Variants in SNAPC3 observed in about 807,000 individuals in gnomAD.
SNAPC3 encodes small nuclear RNA activating complex polypeptide 3.
Under a neutral mutation model 47.7 loss-of-function variants are expected in SNAPC3, and 56 were observed. The observed-to-expected ratio is 1.18, with a 90% CI of 0.95 to 1.47. The LOEUF (loss-of-function observed/expected upper bound fraction) is 1.47. SNAPC3 is among the 40% of genes most tolerant of loss of function. SNAPC3 has a pLI of 0.00. For synonymous variants in SNAPC3, 235 were observed against 189.9 expected, an observed-to-expected ratio of 1.24 and a Z score of -1.95; for missense variants, 665 against 511.3, an observed-to-expected ratio of 1.30 and a Z score of -2.90.
In SNAPC3 at chr9:15,422,913, A is replaced by G. The variant is rs370837882; in HGVS notation, c.34A>G (p.Ser12Gly). Residue 12 changes from serine to glycine, a missense_variant, in exon 1 of 9, where the codon AGC becomes GGC. Physicochemically the swap from Ser to Gly is moderately conservative, Grantham distance 56. Transcript: ENST00000380821. ...AEGSRGGPTCSGVGGRQDPVS... is the reference protein window; with the variant it reads ...AEGSRGGPTCGGVGGRQDPVS... ...AGGAAGCCGAGGTGGCCCTACGTGT[A>G]GCGGGGTGGGTGGCAGGCAGGACCC... The G allele has an allele frequency of 1.0e-4, 153 of 1,535,946 alleles. 1 individual carries two copies. Among genetic ancestry groups the G allele is most frequent in the East Asian group, 8.1e-4 (32 of 39,590 alleles).
downstream of SNAPC3, chr9:15,463,901 A>AT (rs2035424020): frequency 6.4e-6 from 1 of 155,118 alleles, no homozygotes; most frequent in South Asian, 2.1e-4. Flanking sequence ...AAAGATAAAT[A>AT]TTACCTTTAT....
At position 15,423,258 on chromosome 9, in the gene SNAPC3, C is replaced by T. The variant is rs2030828020; in HGVS notation, c.314+65C>T. On this transcript the variant is annotated intron_variant, in intron 1 of 8. Coordinates refer to ENST00000380821, the MANE Select transcript of SNAPC3 (RefSeq NM_001039697.2). Reference sequence around the variant, plus strand: ...AACAGGGTGCAGCCTTGCTCGTGCGCTCCTCTGGGACTCATCCCTGAGAAG... The same window carrying T: ...AACAGGGTGCAGCCTTGCTCGTGCGTTCCTCTGGGACTCATCCCTGAGAAG... 23 of 1,447,786 alleles carry T rather than the reference C, an allele frequency of 1.6e-5. 1 individual carries two copies. The South Asian group carries it at 2.5e-4, about 16-fold the overall frequency. 89.7% of individuals were successfully genotyped at this position (1,447,786 alleles called of 1,614,324 possible). A position where few individuals can be genotyped will look rare whatever the true frequency, so the allele number is the denominator to read the frequency against.
In SNAPC3 at chr9:15,447,095, C is replaced by A; in HGVS notation, c.583C>A (p.His195Asn). 6.2e-7 allele frequency: 1 copy of A among 1,613,198 alleles called. No homozygotes were observed. The change falls in exon 5 of 9, where the codon CAC becomes AAC. Residue 195 changes from histidine (H) to asparagine (N), a missense_variant and splice_region_variant. Transcript: ENST00000380821. ...CACTTATTTATTCTTTGACTTTTAG[C>A]ACAAAGAACACAAACCATACCAAAC... ...NILYPVIFHK[H>N]KEHKPYQTML...
In SNAPC3 at chr9:15,423,111, GA is replaced by G; in HGVS notation, c.233del (p.Asp78AlafsTer23). On this transcript the variant is annotated frameshift_variant, in exon 1 of 9. Transcript: ENST00000380821. LOFTEE classifies it high-confidence loss of function. ...ASALPGSQAA[D>X]SDREDAAVAR... ...CGCTCTGCCTGGGAGCCAGGCAGCTGACTCCGACCGGGAGGATGCCGCGGTG... is the reference window on the plus strand; with the variant it reads ...CGCTCTGCCTGGGAGCCAGGCAGCTGCTCCGACCGGGAGGATGCCGCGGTG... The G allele has an allele frequency of 6.4e-7, 1 of 1,552,148 alleles. No homozygotes were observed. The highest frequency in any genetic ancestry group is 2.0e-4 in the Middle Eastern group (1 of 4,916).
chr9:15,438,358 G>A (rs1280951859), intron 3 of SNAPC3, among the ~76,000 whole-genome samples: 1 of 151,904 alleles, frequency 6.6e-6, no homozygotes, highest in African/African-American at 2.4e-5. Flanking sequence ...AGTAATTTGA[G>A]CCTTCTTTTT....
At chr9:15,437,628 T>G (rs1452369603) in intron 3 of SNAPC3, among the ~76,000 whole-genome samples, 1 of 150,770 alleles carries the variant, frequency 6.6e-6, no homozygotes, top group East Asian at 1.9e-4. Context: ...TGTTGTTTTT[T>G]TTTTTTTTTT....
chr9:15,450,579 A>G (rs1341472598), intron 5 of SNAPC3, among the ~76,000 whole-genome samples: 1 of 152,236 alleles, frequency 6.6e-6, no homozygotes, highest in Non-Finnish European at 1.5e-5. Flanking sequence ...AAAAGAACTC[A>G]GGTCTTCTGA....
intron 3 of SNAPC3, among the ~76,000 whole-genome samples, chr9:15,438,857 C>G (rs114435849): frequency 0.029 from 4,400 of 151,914 alleles, 216 homozygotes; most frequent in African/African-American, 0.1. Flanking sequence ...TCTGTTGGGT[C>G]TAATTGTTCT....
chr9:15,465,290 T>C (rs2035540662), downstream of SNAPC3: 1 of 444,780 alleles, frequency 2.2e-6, no homozygotes, highest in Admixed American at 4.3e-5. Flanking sequence ...AGTTTAACAT[T>C]TTCTAAATGG....
In SNAPC3 at chr9:15,459,699, T is replaced by G; in HGVS notation, c.1089-20T>G. 6.2e-7 allele frequency: 1 copy of G among 1,608,650 alleles called. No homozygotes were observed. The highest frequency in any genetic ancestry group is 1.1e-5 in the South Asian group (1 of 90,052). ...GCAAATTTGATTGTAATGATGTACT[T>G]CTTTTTTTAAAAACTACAGATGGGT... is the stretch of plus-strand genomic sequence containing the variant. On this transcript the variant is annotated intron_variant, in intron 8 of 8. Transcript: ENST00000380821.
intron 5 of SNAPC3, 66 bp downstream of exon 5, chr9:15,447,310 C>A: frequency 2.1e-6 from 3 of 1,431,268 alleles, no homozygotes; most frequent in Non-Finnish European, 3.0e-6. Context: ...ATTACTCTAG[C>A]TGGTTCATAA....
At chr9:15,423,335 C>T (rs2030850401) in intron 1 of SNAPC3, 142 bp downstream of exon 1, 2 of 823,350 alleles carry the variant, frequency 2.4e-6, no homozygotes, top group Non-Finnish European at 3.5e-6. Flanking sequence ...AGCTTTCAAC[C>T]CGCTGGAGCC....
At chr9:15,434,794 C>A (rs2175258) in intron 3 of SNAPC3, among the ~76,000 whole-genome samples, 131,879 of 152,200 alleles carry the variant, frequency 0.87, 57,459 homozygotes, top group Non-Finnish European at 0.91. Context: ...TGGCTGAATA[C>A]TATCTATTGT....
intron 3 of SNAPC3, among the ~76,000 whole-genome samples, chr9:15,442,504 G>A (rs147641516): frequency 0.042 from 6,328 of 151,786 alleles, 440 homozygotes; most frequent in African/African-American, 0.15. Flanking sequence ...CCGGGCGGCT[G>A]GGCGGAGACG....
intron 2 of SNAPC3, chr9:15,431,941 C>G (rs2032213321): frequency 7.6e-6 from 1 of 130,970 alleles, no homozygotes; most frequent in Non-Finnish European, 1.6e-5. Context: ...CATCCATGCA[C>G]AGGGGCCGTG....
Position 15,460,914 on chromosome 9 carries a change from G to C in SNAPC3, c.*1048G>C, listed in dbSNP as rs2035161871. 1 of 152,050 alleles carries C rather than the reference G, an allele frequency of 6.6e-6. No individual in the cohort carries two copies. The highest frequency in any genetic ancestry group is 1.5e-5 in the Non-Finnish European group (1 of 68,010). The allele number at this position is 152,050 out of a possible 1,614,324, so 9.4% of individuals were successfully genotyped here. A position where few individuals can be genotyped will look rare whatever the true frequency, so the allele number is the denominator to read the frequency against. On this transcript the variant is annotated 3_prime_UTR_variant, in exon 9 of 9. Transcript: ENST00000380821. ...TTAAAATATGTCAATTTAATACTAT[G>C]ATTTAAAAAACAATAGCAGATTTCG...
chr9:15,449,201 G>C (rs1563850824), intron 5 of SNAPC3, among the ~76,000 whole-genome samples: 1 of 152,086 alleles, frequency 6.6e-6, no homozygotes, highest in Non-Finnish European at 1.5e-5. Flanking sequence ...TAAATAATAA[G>C]ATCAGTCTAA....
rs2033992954 is a variant in SNAPC3, at chr9:15,447,120, CA to C, written c.610del (p.Met204CysfsTer12). 1 of 1,613,902 alleles carries C rather than the reference CA, an allele frequency of 6.2e-7. No homozygotes were observed. The highest frequency in any genetic ancestry group is 1.1e-5 in the South Asian group (1 of 91,062). On this transcript the variant is annotated frameshift_variant, in exon 5 of 9. Coordinates refer to ENST00000380821, the MANE Select transcript of SNAPC3 (RefSeq NM_001039697.2). LOFTEE classifies it high-confidence loss of function. ...CACAAAGAACACAAACCATACCAAA[CA>C]ATGCTGGTGTTGGGCAGTCAAAAAC... ...HKHKEHKPYQ[T>X]MLVLGSQKLT...
At chr9:15,424,641 T>A (rs2031096705) in intron 2 of SNAPC3, among the ~76,000 whole-genome samples, 1 of 152,218 alleles carries the variant, frequency 6.6e-6, no homozygotes, top group South Asian at 2.1e-4. Context: ...CTGTACAGAT[T>A]GGTTAACAAA....
Sources: gnomAD v4.1 joint callset for allele counts (sites outside exome capture counted in the v4.1 genomes callset) on GRCh38, gnomAD v4.1.1 for gene constraint, MANE v1.5 for transcripts, NCBI Gene and HGNC (gene_info 2026-07-23, HGNC 2026-07-21) for gene names.